Variants in SCAMP1 observed in about 807,000 individuals in gnomAD.
SCAMP1 encodes the protein secretory carrier-associated membrane protein 1.
Under a neutral mutation model 41.8 loss-of-function variants are expected in SCAMP1, and 15 were observed. That is an observed-to-expected ratio of 0.36 (90% CI 0.24 to 0.55). The LOEUF (loss-of-function observed/expected upper bound fraction) is 0.55. Ranked by LOEUF, SCAMP1 falls within the 20% of genes least tolerant of loss-of-function variation. The pLI, the probability that SCAMP1 is intolerant of heterozygous loss-of-function variation, is 0.86. For synonymous variants in SCAMP1, 135 were observed against 136.8 expected, an observed-to-expected ratio of 0.99 and a Z score of 0.09; for missense variants, 341 against 412.6, an observed-to-expected ratio of 0.83 and a Z score of 1.50.
At chr5:78,374,882 C>G (rs955007586) in intron 1 of SCAMP1, among the ~76,000 whole-genome samples, 19 of 152,074 alleles carry the variant, frequency 1.2e-4, no homozygotes, top group African/African-American at 4.3e-4. Flanking sequence ...TTGAATAATT[C>G]CTAGTGATTA....
chr5:78,466,416 A>T (rs1006747882), intron 8 of SCAMP1, among the ~76,000 whole-genome samples: 8 of 152,218 alleles, frequency 5.3e-5, no homozygotes, highest in Non-Finnish European at 1.2e-4. Context: ...GCTGCTCATC[A>T]TTATAGTTAT....
At chr5:78,471,850 G>A (rs560202163) in intron 8 of SCAMP1, among the ~76,000 whole-genome samples, 2 of 152,202 alleles carry the variant, frequency 1.3e-5, no homozygotes, top group East Asian at 1.9e-4. Context: ...AGCAGATAGT[G>A]TAACAAATAT....
At chr5:78,463,742 A>G (rs1315035442) in intron 8 of SCAMP1, among the ~76,000 whole-genome samples, 2 of 152,196 alleles carry the variant, frequency 1.3e-5, no homozygotes, top group South Asian at 2.1e-4. Flanking sequence ...GAGTGAGGGT[A>G]ATGAAAGTAT....
chr5:78,430,604 G>A (rs540319216), intron 6 of SCAMP1, among the ~76,000 whole-genome samples: 21 of 151,554 alleles, frequency 1.4e-4, no homozygotes, highest in East Asian at 1.4e-3. Context: ...ATTCTCTTAC[G>A]TTTATATATA....
intron 5 of SCAMP1, among the ~76,000 whole-genome samples, chr5:78,420,789 G>A (rs1287639850): frequency 6.6e-6 from 1 of 152,124 alleles, no homozygotes; most frequent in Non-Finnish European, 1.5e-5. Context: ...ATCCCAGAAT[G>A]TGTGTGTGTA....
intron 2 of SCAMP1, among the ~76,000 whole-genome samples, chr5:78,408,570 T>TC (rs538294657): frequency 3.0e-4 from 46 of 152,246 alleles, no homozygotes; most frequent in African/African-American, 1.1e-3. Flanking sequence ...TGACCTGAGA[T>TC]CTGCAAGTTG....
chr5:78,467,979 C>T (rs562945056), intron 8 of SCAMP1, among the ~76,000 whole-genome samples: 3 of 152,256 alleles, frequency 2.0e-5, no homozygotes, highest in South Asian at 2.1e-4. Context: ...GCCCTCTAAC[C>T]GTAATCTGTG....
chr5:78,437,641 C>T (rs538917135), intron 6 of SCAMP1, among the ~76,000 whole-genome samples: 11 of 152,234 alleles, frequency 7.2e-5, no homozygotes, highest in South Asian at 2.1e-4. Context: ...ATTTTTGCAT[C>T]GATGTTCATC....
At chr5:78,415,047 C>T (rs1032380628) in intron 2 of SCAMP1, among the ~76,000 whole-genome samples, 10 of 151,576 alleles carry the variant, frequency 6.6e-5, no homozygotes, top group South Asian at 2.1e-4. Context: ...TCCACCTCCC[C>T]GGTTCAAGTG....
Position 78,435,381 on chromosome 5 carries a change from C to T in SCAMP1, c.632+13421C>T, listed in dbSNP as rs191920588. On this transcript the variant is annotated intron_variant, in intron 6 of 8. Coordinates refer to ENST00000621999, the MANE Select transcript of SCAMP1 (RefSeq NM_004866.6). ...GGTATTTCTCCTAATGCTATCCCTC[C>T]TCCAGCCCCCAACCCCTCATTGTGT... 7.4e-4 allele frequency among the ~76,000 whole-genome samples: 113 copies of T among 152,302 alleles called. 1 individual carries two copies. Among genetic ancestry groups the T allele is most frequent in the African/African-American group, 2.6e-3 (109 of 41,560 alleles).
At chr5:78,451,188 G>A (rs1176587059) in intron 7 of SCAMP1, among the ~76,000 whole-genome samples, 1 of 152,118 alleles carries the variant, frequency 6.6e-6, no homozygotes, top group African/African-American at 2.4e-5. Flanking sequence ...CTGCTAATGA[G>A]GGTGCATACA....
rs1397610602 is a variant in SCAMP1 at position 78,478,638 on chromosome 5, T to A, written c.*2970T>A. ...AAAAATGGGTGTCTCTGTACTAGTA[T>A]TGTATTTATTCAATTGAACTTGTAT... On this transcript the variant is annotated 3_prime_UTR_variant, in exon 9 of 9. Transcript: ENST00000621999. 1.3e-5 allele frequency: 2 copies of A among 152,196 alleles called. No homozygotes were observed. Among genetic ancestry groups the A allele is most frequent in the Non-Finnish European group, 2.9e-5 (2 of 68,000 alleles). The allele number at this position is 152,196 out of a possible 1,614,324, so 9.4% of individuals were successfully genotyped here.
At chr5:78,440,981 G>C (rs1002201704) in intron 6 of SCAMP1, among the ~76,000 whole-genome samples, 1 of 152,206 alleles carries the variant, frequency 6.6e-6, no homozygotes, top group Non-Finnish European at 1.5e-5. Context: ...AGTGAGCAAG[G>C]CTCTGTGGGC....
chr5:78,398,355 C>CTTT (rs1197381285), intron 2 of SCAMP1, among the ~76,000 whole-genome samples: 2,518 of 57,460 alleles, frequency 0.044, 639 homozygotes, highest in African/African-American at 0.062. Flanking sequence ...GGGTTCACCT[C>CTTT]TTTTTTTTTT....
chr5:78,440,102 T>G (rs1490628463), intron 6 of SCAMP1, among the ~76,000 whole-genome samples: 2 of 152,206 alleles, frequency 1.3e-5, no homozygotes, highest in East Asian at 3.9e-4. Flanking sequence ...AGTTAGCCAT[T>G]CGTCTAATCC....
chr5:78,421,430 TC>T, intron 5 of SCAMP1, among the ~76,000 whole-genome samples: 1 of 152,110 alleles, frequency 6.6e-6, no homozygotes, highest in East Asian at 1.9e-4. Flanking sequence ...TCCTCCTAAG[TC>T]CTGGGTCTTT....
intron 7 of SCAMP1, among the ~76,000 whole-genome samples, chr5:78,450,502 A>G (rs952452078): frequency 1.3e-5 from 2 of 152,214 alleles, no homozygotes; most frequent in African/African-American, 4.8e-5. Context: ...CACGTTATAT[A>G]CATATATCTT....
At chr5:78,456,304 A>T (rs1283699585) in intron 7 of SCAMP1, among the ~76,000 whole-genome samples, 1 of 150,416 alleles carries the variant, frequency 6.6e-6, no homozygotes, top group Non-Finnish European at 1.5e-5. Flanking sequence ...TTTTGGCATG[A>T]TTTTGCAGCG....
At chr5:78,393,563 T>C (rs1751571709) in intron 2 of SCAMP1, among the ~76,000 whole-genome samples, 1 of 152,242 alleles carries the variant, frequency 6.6e-6, no homozygotes, top group African/African-American at 2.4e-5. Context: ...TAAGTCATTT[T>C]ATTGACAGTG....
Sources: gnomAD v4.1 joint callset for allele counts (sites outside exome capture counted in the v4.1 genomes callset) on GRCh38, gnomAD v4.1.1 for gene constraint, MANE v1.5 for transcripts, NCBI Gene and HGNC (gene_info 2026-07-23, HGNC 2026-07-21) for gene names.